The following CRISPLD1 variants were observed in gnomAD, a reference collection of about 807,000 sequenced individuals.
CRISPLD1 encodes cysteine rich secretory protein LCCL domain containing 1, also known as cysteine-rich secretory protein LCCL domain-containing 1.
CRISPLD1 carries 60 observed loss-of-function variants against 77.5 expected under a neutral mutation model. The observed-to-expected ratio is 0.77, with a 90% CI of 0.63 to 0.96. The LOEUF (loss-of-function observed/expected upper bound fraction) is 0.96. CRISPLD1 is among the 40% of genes least tolerant of loss of function. The pLI is 0.00. For missense variants in CRISPLD1, 623 were observed against 615.8 expected (o/e 1.01, Z -0.12); for synonymous variants, 195 against 200.1 (o/e 0.97, Z 0.22).
intron 10 of CRISPLD1, among the ~76,000 whole-genome samples, chr8:75,018,871 C>T (rs1270825339): frequency 1.3e-5 from 2 of 151,850 alleles, no homozygotes; most frequent in African/African-American, 2.4e-5. Context: ...GGATTACAGG[C>T]GTGAGCCACC....
chr8:75,020,405 C>T lies in CRISPLD1; in HGVS notation c.1244+326C>T, dbSNP rs958974217. On this transcript the variant is annotated intron_variant, in intron 12 of 14. Coordinates refer to ENST00000262207, the MANE Select transcript of CRISPLD1 (RefSeq NM_031461.6). ...GTGTAAACATGAGGAATTTATTTCT[C>T]ACAGTTCTGGAGGTTGAGAAGTTCA... 3.3e-5 allele frequency among the ~76,000 whole-genome samples: 5 copies of T among 152,240 alleles called. No individual in the cohort carries two copies. The East Asian group carries it at 7.7e-4, about 24-fold the overall frequency.
chr8:75,025,728 CTT>C, intron 13 of CRISPLD1, 107 bp downstream of exon 13: 1 of 441,850 alleles, frequency 2.3e-6, no homozygotes, highest in East Asian at 4.0e-5. Context: ...AAGAAACAGA[CTT>C]TGTTAATGTG....
rs1813365676 is a variant in CRISPLD1, at chr8:75,032,326, C to G, written c.*84C>G. The G allele has an allele frequency of 1.5e-5, 14 of 959,044 alleles. No individual in the cohort carries two copies. The highest frequency in any genetic ancestry group is 2.1e-5 in the Non-Finnish European group (14 of 651,520). The allele number at this position is 959,044 out of a possible 1,614,324, so 59.4% of individuals were successfully genotyped here. A position where few individuals can be genotyped will look rare whatever the true frequency, so the allele number is the denominator to read the frequency against. On this transcript the variant is annotated 3_prime_UTR_variant, in exon 15 of 15. Coordinates refer to ENST00000262207, the MANE Select transcript of CRISPLD1 (RefSeq NM_031461.6). ...TGTATAAAACTGTAACATTACTGTA[C>G]AGAGTACATCAACTATTTTCAGCCC...
In CRISPLD1 at chr8:74,986,179, T is replaced by A. The variant is rs1467058594; in HGVS notation, c.192T>A (p.Ser64Arg). 6.2e-7 allele frequency: 1 copy of A among 1,613,696 alleles called. No individual in the cohort carries two copies. Among genetic ancestry groups the A allele is most frequent in the East Asian group, 2.2e-5 (1 of 44,872 alleles). ...KRAITDNDMQ[S>R]ILDLHNKLRS... ...CCATCACAGACAATGACATGCAGAGTATTTTGGACCTTCATAATAAATTAC... is the reference window on the plus strand; with the variant it reads ...CCATCACAGACAATGACATGCAGAGAATTTTGGACCTTCATAATAAATTAC... Residue 64 changes from serine (S) to arginine (R), a missense_variant, in exon 2 of 15, where the codon AGT (serine) becomes AGA (arginine). Physicochemically the swap from Ser to Arg is moderately radical, Grantham distance 110 (BLOSUM62 -1). Transcript: ENST00000262207.
chr8:74,987,294 A>T (rs1812511684), intron 2 of CRISPLD1, among the ~76,000 whole-genome samples: 1 of 152,166 alleles, frequency 6.6e-6, no homozygotes, highest in Non-Finnish European at 1.5e-5. Flanking sequence ...CTAATCAGGG[A>T]TTAAGAATTG....
intron 12 of CRISPLD1, among the ~76,000 whole-genome samples, chr8:75,020,302 C>T (rs1007245292): frequency 2.6e-5 from 4 of 152,190 alleles, no homozygotes; most frequent in African/African-American, 9.7e-5. Flanking sequence ...TGCATGTAAT[C>T]TGTATGTTCA....
At chr8:75,000,061 C>G in intron 2 of CRISPLD1, 1 of 792,562 alleles carries the variant, frequency 1.3e-6, no homozygotes, top group Non-Finnish European at 1.5e-6. Context: ...GGATAATGAG[C>G]TATTAGGCAA....
At chr8:74,987,257 T>C (rs956797733) in intron 2 of CRISPLD1, among the ~76,000 whole-genome samples, 1 of 152,282 alleles carries the variant, frequency 6.6e-6, no homozygotes, top group African/African-American at 2.4e-5. Context: ...TATTTTACCC[T>C]AAAGAAAGTA....
intron 14 of CRISPLD1, among the ~76,000 whole-genome samples, chr8:75,030,007 ATTAT>A (rs1174529398): frequency 1.3e-5 from 2 of 152,134 alleles, no homozygotes; most frequent in African/African-American, 4.8e-5. Flanking sequence ...CATTTTTCAT[ATTAT>A]TTAACCCACC....
chr8:75,030,458 A>G (rs1813314464), intron 14 of CRISPLD1, among the ~76,000 whole-genome samples: 1 of 152,118 alleles, frequency 6.6e-6, no homozygotes, highest in South Asian at 2.1e-4. Context: ...TGGATATGCA[A>G]TTTTATAAGC....
Position 75,012,476 on chromosome 8 carries a change from A to G in CRISPLD1, c.302A>G (p.Glu101Gly), listed in dbSNP as rs1391793692. 2.5e-6 allele frequency: 4 copies of G among 1,613,126 alleles called. No homozygotes were observed. Among genetic ancestry groups the G allele is most frequent in the South Asian group, 2.2e-5 (2 of 91,068 alleles). ...GAAAGATCTGCAGAATCCTGGGCTG[A>G]AAGTTGCTTGTGGGAACATGGACCT... is the stretch of plus-strand genomic sequence containing the variant. ...ELERSAESWA[E>G]SCLWEHGPAS... is the part of the protein sequence containing the mutation. Residue 101 changes from glutamate (E) to glycine (G), a missense_variant, in exon 3 of 15, where the codon GAA (glutamate) becomes GGA (glycine). Glu to Gly is a moderately conservative substitution (Grantham distance 98, BLOSUM62 -2). Coordinates refer to ENST00000262207, the MANE Select transcript of CRISPLD1 (RefSeq NM_031461.6).
chr8:75,013,989 C>T lies in CRISPLD1; in HGVS notation c.513C>T (p.Val171=), dbSNP rs750900497. ...AGCCTTTCATTTTTCTAACATAGGT[C>T]GTGTGGGCAACTAGTAACAGAATCG... ...SGPVCTHYTQ[V]VWATSNRIGC... is the part of the protein sequence containing the mutation. The change falls in exon 5 of 15, where the codon GTC becomes GTT. Residue 171 remains valine, a splice_region_variant and synonymous_variant. Transcript: ENST00000262207. The T allele has an allele frequency of 8.1e-6, 13 of 1,607,062 alleles. No homozygotes were observed. Among genetic ancestry groups the T allele is most frequent in the South Asian group, 5.5e-5 (5 of 90,896 alleles).
At chr8:75,012,852 A>C (rs1812956805) in intron 3 of CRISPLD1, 38 bp from the exon 4 acceptor site, 1 of 1,577,952 alleles carries the variant, frequency 6.3e-7, no homozygotes. Flanking sequence ...ATTTTCTCCA[A>C]CTTTGCTTGC....
chr8:74,989,583 C>T (rs772137601), intron 2 of CRISPLD1, among the ~76,000 whole-genome samples: 10 of 151,438 alleles, frequency 6.6e-5, no homozygotes, highest in Non-Finnish European at 1.3e-4. Flanking sequence ...ATGTCCTTTG[C>T]ACACTTGTTA....
chr8:74,996,864 C>G (rs1812653704), intron 2 of CRISPLD1, among the ~76,000 whole-genome samples: 1 of 151,684 alleles, frequency 6.6e-6, no homozygotes, highest in Admixed American at 6.6e-5. Context: ...ACTACAGGCA[C>G]ATACCACCAC....
chr8:74,988,973 TA>T (rs1202126043), intron 2 of CRISPLD1, among the ~76,000 whole-genome samples: 2 of 152,194 alleles, frequency 1.3e-5, no homozygotes, highest in Non-Finnish European at 2.9e-5. Context: ...TGTCTGTAAG[TA>T]ATGCCAGAGG....
At chr8:74,996,163 ATG>A (rs1379903117) in intron 2 of CRISPLD1, among the ~76,000 whole-genome samples, 2 of 151,774 alleles carry the variant, frequency 1.3e-5, no homozygotes, top group African/African-American at 4.8e-5. Context: ...TTACAGAAAA[ATG>A]TGAAAATTCA....
chr8:75,001,587 T>C (rs1006061642), intron 2 of CRISPLD1, among the ~76,000 whole-genome samples: 2 of 152,214 alleles, frequency 1.3e-5, no homozygotes, highest in Admixed American at 6.5e-5. Context: ...GAAATAGTAT[T>C]TGGTAGAAGT....
chr8:74,993,333 CA>C lies in CRISPLD1; in HGVS notation c.258+7089del, dbSNP rs1324929911. Reference sequence around the variant, plus strand: ...AAAAGTTAAATATTTTTATCTCTGACATATAGTATCTGCACATACCTAAAGG... The same window carrying C: ...AAAAGTTAAATATTTTTATCTCTGACTATAGTATCTGCACATACCTAAAGG... On this transcript the variant is annotated intron_variant, in intron 2 of 14. Transcript: ENST00000262207. 7.9e-5 allele frequency among the ~76,000 whole-genome samples: 12 copies of C among 152,262 alleles called. 1 individual carries two copies. Among genetic ancestry groups the C allele is most frequent in the African/African-American group, 2.6e-4 (11 of 41,554 alleles).
Sources: gnomAD v4.1 joint callset for allele counts (sites outside exome capture counted in the v4.1 genomes callset) on GRCh38, gnomAD v4.1.1 for gene constraint, MANE v1.5 for transcripts, NCBI Gene and HGNC (gene_info 2026-07-23, HGNC 2026-07-21) for gene names.